Variants in FOXRED2 observed in about 807,000 individuals in gnomAD.
FOXRED2 encodes FAD-dependent oxidoreductase domain-containing protein 2.
FOXRED2 carries 32 observed loss-of-function variants against 52.5 expected under a neutral mutation model. The ratio of observed to expected loss-of-function variants is 0.61; its 90% confidence interval spans 0.46 to 0.82. The LOEUF (loss-of-function observed/expected upper bound fraction) is 0.82, where lower values mean the gene tolerates loss of function less well. Ranked by LOEUF, FOXRED2 falls within the 40% of genes least tolerant of loss-of-function variation. FOXRED2 has a pLI of 0.00. For synonymous variants in FOXRED2, 405 were observed against 398.1 expected, an observed-to-expected ratio of 1.02 and a Z score of -0.21; for missense variants, 848 against 937.5, an observed-to-expected ratio of 0.90 and a Z score of 1.25.
chr22:36,504,855 T>G, intron 2 of FOXRED2, 89 bp from the exon 3 acceptor site: 1 of 1,421,182 alleles, frequency 7.0e-7, no homozygotes. Context: ...CCCACCCACC[T>G]GCCTGGCTCC....
chr22:36,495,922 G>A (rs1933882875), intron 7 of FOXRED2, 45 bp downstream of exon 7: 2 of 1,604,802 alleles, frequency 1.2e-6, no homozygotes, highest in Non-Finnish European at 1.7e-6. Flanking sequence ...CAGACGGTGA[G>A]GTCTGAGGAG....
chr22:36,503,180 G>A (rs548551356), intron 4 of FOXRED2, among the ~76,000 whole-genome samples: 2 of 151,988 alleles, frequency 1.3e-5, no homozygotes, highest in South Asian at 4.2e-4. Flanking sequence ...GTAGAGGTGG[G>A]GTTTCACCAT....
intron 4 of FOXRED2, among the ~76,000 whole-genome samples, chr22:36,502,934 C>T (rs753437418): frequency 1.4e-4 from 21 of 151,846 alleles, no homozygotes; most frequent in Non-Finnish European, 2.9e-4. Context: ...CCTTGTGATC[C>T]GCCCACCTCA....
intron 8 of FOXRED2, 140 bp downstream of exon 8, chr22:36,493,493 A>T: frequency 1.6e-6 from 1 of 629,432 alleles, no homozygotes; most frequent in African/African-American, 1.8e-5. Flanking sequence ...GTTGTAATTT[A>T]ACCCACGGCA....
chr22:36,491,657 G>A (rs775541253), intron 8 of FOXRED2, among the ~76,000 whole-genome samples: 11 of 152,014 alleles, frequency 7.2e-5, no homozygotes, highest in Non-Finnish European at 1.2e-4. Flanking sequence ...TGCCTTTCTC[G>A]GCCTCCCAAA....
At chr22:36,501,157 T>A in intron 5 of FOXRED2, 84 bp downstream of exon 5, 1 of 1,400,350 alleles carries the variant, frequency 7.1e-7, no homozygotes, top group African/African-American at 1.4e-5. Flanking sequence ...CTAATGCTTC[T>A]GGACATAGGA....
At chr22:36,501,534 C>T (rs190588694) in intron 4 of FOXRED2, 127 bp from the exon 5 acceptor site, 6 of 852,564 alleles carry the variant, frequency 7.0e-6, no homozygotes, top group Non-Finnish European at 1.1e-5. Flanking sequence ...GATCTCGGCT[C>T]ACTGCAACCT....
At chr22:36,490,390 C>T (rs1603492088) in intron 8 of FOXRED2, 123 bp from the exon 9 acceptor site, 1 of 1,167,180 alleles carries the variant, frequency 8.6e-7, no homozygotes. Flanking sequence ...TATCTTCCAT[C>T]CCTTGAAACT....
At chr22:36,494,387 A>C (rs906161024) in intron 7 of FOXRED2, among the ~76,000 whole-genome samples, 3 of 152,030 alleles carry the variant, frequency 2.0e-5, no homozygotes. Context: ...CAGCCTCCCA[A>C]AGTGCTGGGA....
rs769243204 is a variant in FOXRED2 at position 36,505,992 on chromosome 22, G to T, written c.431C>A (p.Thr144Asn). The change falls in exon 2 of 9, where the codon ACC becomes AAC. Residue 144 changes from threonine to asparagine, a missense_variant. Physicochemically the swap from Thr to Asn is moderately conservative, Grantham distance 65. Coordinates refer to ENST00000397224, the MANE Select transcript of FOXRED2 (RefSeq NM_001102371.2). ...DTLGLRVQYNTTIAHVTLDKD... is the reference protein window; with the variant it reads ...DTLGLRVQYNNTIAHVTLDKD... Reference sequence around the variant, plus strand: ...GTCCAGAGTGACGTGGGCGATGGTGGTGTTGTACTGGACACGGAGCCCCAG... The same window carrying T: ...GTCCAGAGTGACGTGGGCGATGGTGTTGTTGTACTGGACACGGAGCCCCAG... 136 of 1,614,126 alleles carry T rather than the reference G, an allele frequency of 8.4e-5. No homozygotes were observed. The highest frequency in any genetic ancestry group is 1.1e-4 in the Non-Finnish European group (128 of 1,180,048).
At chr22:36,500,844 A>G (rs896186982) in intron 5 of FOXRED2, among the ~76,000 whole-genome samples, 5 of 152,088 alleles carry the variant, frequency 3.3e-5, no homozygotes, top group Admixed American at 2.6e-4. Context: ...TTGGCCTCCC[A>G]AAGTGCTAGG....
At chr22:36,498,334 G>A (rs1933959309) in intron 5 of FOXRED2, 178 bp from the exon 6 acceptor site, 2 of 622,964 alleles carry the variant, frequency 3.2e-6, no homozygotes, top group Middle Eastern at 4.4e-4. Context: ...TGCCTTTAGA[G>A]CAGGGCCAGC....
chr22:36,498,657 G>A (rs1282298939), intron 5 of FOXRED2, among the ~76,000 whole-genome samples: 1 of 151,934 alleles, frequency 6.6e-6, no homozygotes, highest in African/African-American at 2.4e-5. Context: ...CTTTGATTTC[G>A]CCCTCTCTTT....
intron 7 of FOXRED2, among the ~76,000 whole-genome samples, chr22:36,494,828 G>A (rs1170598212): frequency 2.0e-5 from 3 of 151,648 alleles, no homozygotes; most frequent in Non-Finnish European, 2.9e-5. Context: ...TATTAGAGAC[G>A]GGGTTTCACT....
rs1378882055 is a variant in FOXRED2 at position 36,503,999 on chromosome 22, G to A, written c.1049+99C>T. ...ATCCATTCTTTGGGTGCTGTCCTGA[G>A]AGCTCTGTCGCCAGCCTACTGAACA... is the stretch of plus-strand genomic sequence containing the variant. On this transcript the variant is annotated intron_variant, in intron 4 of 8. Coordinates refer to ENST00000397224, the MANE Select transcript of FOXRED2 (RefSeq NM_001102371.2). 3 of 1,283,270 alleles carry A rather than the reference G, an allele frequency of 2.3e-6. No homozygotes were observed. In the East Asian group the frequency reaches 6.9e-5, roughly 30 times the overall value. The allele number at this position is 1,283,270 out of a possible 1,614,324, so 79.5% of individuals were successfully genotyped here.
chr22:36,502,193 A>AAACAAAAC (rs1934073767), intron 4 of FOXRED2, among the ~76,000 whole-genome samples: 1 of 113,902 alleles, frequency 8.8e-6, no homozygotes, highest in South Asian at 2.4e-4. Flanking sequence ...ACAAACAAAC[A>AAACAAAAC]ATGAAGTCAG....
chr22:36,503,688 T>C (rs1934112438), intron 4 of FOXRED2, among the ~76,000 whole-genome samples: 1 of 152,214 alleles, frequency 6.6e-6, no homozygotes, highest in South Asian at 2.1e-4. Context: ...GACATGAGAA[T>C]ACTGGGCCAC....
rs1933697336 is a variant in FOXRED2, at chr22:36,489,677, TGGAA to T, written c.*327_*330del. On this transcript the variant is annotated 3_prime_UTR_variant, in exon 9 of 9. Transcript: ENST00000397224. The stretch of plus-strand genomic sequence containing the variant: ...ATGCAGGCCCATCTGAGGAGGGGCT[TGGAA>T]GGAAGAGGAGCACTTGAGACGGGGC... The T allele has an allele frequency of 2.1e-5, 5 of 236,612 alleles. No homozygotes were observed. Among genetic ancestry groups the T allele is most frequent in the Admixed American group, 5.4e-5 (1 of 18,504 alleles). The allele number at this position is 236,612 out of a possible 1,614,324, so 14.7% of individuals were successfully genotyped here.
intron 5 of FOXRED2, among the ~76,000 whole-genome samples, chr22:36,499,549 C>T (rs1363665560): frequency 1.3e-5 from 2 of 152,106 alleles, no homozygotes; most frequent in Non-Finnish European, 2.9e-5. Context: ...TGGCTTGAGT[C>T]TGGGAAGTCG....
Sources: gnomAD v4.1 joint callset for allele counts (sites outside exome capture counted in the v4.1 genomes callset) on GRCh38, gnomAD v4.1.1 for gene constraint, MANE v1.5 for transcripts, NCBI Gene and HGNC (gene_info 2026-07-23, HGNC 2026-07-21) for gene names.